NPAS2: variants seen among roughly 807,000 people sequenced by gnomAD.
NPAS2 encodes the protein neuronal PAS domain protein 2, also known as neuronal PAS domain-containing protein 2.
A neutral mutation model predicts 107.5 loss-of-function variants in NPAS2; 23 were observed. The observed-to-expected ratio is 0.21, with a 90% CI of 0.15 to 0.30. The LOEUF is 0.30. Ranked by LOEUF, NPAS2 falls within the 10% of genes least tolerant of loss-of-function variation. The pLI is 1.00. For missense variants in NPAS2, 756 were observed against 1,043.3 expected, an observed-to-expected ratio of 0.72 and a Z score of 3.79; for synonymous variants, 403 against 417.5, an observed-to-expected ratio of 0.97 and a Z score of 0.42.
chr2:100,952,907 GGC>G (rs1675323507), intron 7 of NPAS2, among the ~76,000 whole-genome samples: 1 of 149,404 alleles, frequency 6.7e-6, no homozygotes, highest in Non-Finnish European at 1.5e-5. Context: ...CACTGAATGT[GGC>G]AAATTTAAAA....
In NPAS2 at chr2:100,935,201, G is replaced by A. The variant is rs75445983; in HGVS notation, c.273+2200G>A. 421 of 526,018 alleles carry A rather than the reference G, an allele frequency of 8.0e-4. 1 individual carries two copies. The highest frequency in any genetic ancestry group is 5.0e-3 in the African/African-American group (242 of 48,372). The allele number at this position is 526,018 out of a possible 1,614,324, so 32.6% of individuals were successfully genotyped here. A position where few individuals can be genotyped will look rare whatever the true frequency, so the allele number is the denominator to read the frequency against. The stretch of plus-strand genomic sequence containing the variant: ...AGTTGCACTCAAAAGGAGCCAAAGT[G>A]CCTGTGGCCTGCGGAATAGGGAGCT... On this transcript the variant is annotated intron_variant, in intron 4 of 20. Transcript: ENST00000335681.
intron 1 of NPAS2, chr2:100,823,626 G>A (rs1381122988): frequency 6.6e-6 from 1 of 152,222 alleles, no homozygotes; most frequent in African/African-American, 2.4e-5. Context: ...ACGCTGGCAA[G>A]GTTTTGGGAT....
intron 2 of NPAS2, among the ~76,000 whole-genome samples, chr2:100,914,924 A>T (rs1296717474): frequency 6.6e-6 from 1 of 151,972 alleles, no homozygotes; most frequent in Admixed American, 6.6e-5. Flanking sequence ...CGAGTTCACC[A>T]TTTTTTCCCC....
chr2:100,978,536 A>G (rs991523547), intron 15 of NPAS2, among the ~76,000 whole-genome samples: 2 of 152,188 alleles, frequency 1.3e-5, no homozygotes, highest in African/African-American at 2.4e-5. Context: ...AAAAGAAAGA[A>G]AGAAAGAAAG....
At chr2:100,932,871 G>T in intron 3 of NPAS2, 39 bp from the exon 4 acceptor site, 1 of 1,356,616 alleles carries the variant, frequency 7.4e-7, no homozygotes, top group Non-Finnish European at 1.1e-6. Context: ...ATTTCTAGGT[G>T]CCATTGAATA....
At chr2:100,858,657 C>T (rs1214516780) in intron 1 of NPAS2, among the ~76,000 whole-genome samples, 1 of 152,110 alleles carries the variant, frequency 6.6e-6, no homozygotes. Context: ...AGAAATACAT[C>T]ATTAACGTCA....
chr2:100,842,421 C>T (rs1300366101), intron 1 of NPAS2, among the ~76,000 whole-genome samples: 2 of 152,024 alleles, frequency 1.3e-5, no homozygotes, highest in Non-Finnish European at 1.5e-5. Flanking sequence ...CTAGTCTGCG[C>T]CCACATAGAA....
intron 4 of NPAS2, chr2:100,934,756 T>C (rs1420880954): frequency 4.1e-6 from 4 of 979,928 alleles, no homozygotes; most frequent in Non-Finnish European, 4.8e-6. Context: ...CCAGCTGTGG[T>C]TGGGGGAGAT....
At chr2:100,845,038 T>C (rs57855093) in intron 1 of NPAS2, among the ~76,000 whole-genome samples, 1,920 of 151,964 alleles carry the variant, frequency 0.013, 35 homozygotes, top group African/African-American at 0.044. Flanking sequence ...AGCCTCACAG[T>C]GGAAAGAAGG....
Position 100,988,247 on chromosome 2 carries a change from C to T in NPAS2, c.1798C>T (p.Leu600Phe), listed in dbSNP as rs757547524. ...SSAQVTSQHL[L>F]RESSVISTQG... Reference sequence around the variant, plus strand: ...TGCCCAGGTCACAAGCCAGCACCTGCTCAGAGAATCAAGTGTGATATCAAC... The same window carrying T: ...TGCCCAGGTCACAAGCCAGCACCTGTTCAGAGAATCAAGTGTGATATCAAC... Residue 600 changes from leucine (L) to phenylalanine (F), a missense_variant, in exon 17 of 21, where the codon CTC becomes TTC. Leu to Phe is a conservative substitution (Grantham distance 22). Around this residue, in one of 4 missense-constraint regions of NPAS2, gnomAD observed 496 missense variants for 594.4 expected, o/e 0.83. Coordinates refer to ENST00000335681, the MANE Select transcript of NPAS2 (RefSeq NM_002518.4). 13 of 1,613,860 alleles carry T rather than the reference C, an allele frequency of 8.1e-6. No individual in the cohort carries two copies. The highest frequency in any genetic ancestry group is 1.1e-5 in the Non-Finnish European group (13 of 1,180,038).
At chr2:100,834,063 C>G (rs372288579) in intron 1 of NPAS2, among the ~76,000 whole-genome samples, 3 of 152,118 alleles carry the variant, frequency 2.0e-5, no homozygotes, top group East Asian at 3.9e-4. Flanking sequence ...GCTCAGAAAG[C>G]AAAGAGGCCT....
chr2:100,902,071 A>T (rs891330554), intron 1 of NPAS2, among the ~76,000 whole-genome samples: 15 of 150,726 alleles, frequency 1.0e-4, no homozygotes, highest in East Asian at 1.9e-4. Flanking sequence ...TGATCAAAAT[A>T]AAAAAAAAAG....
At chr2:100,824,369 A>G (rs775342689) in intron 1 of NPAS2, among the ~76,000 whole-genome samples, 4 of 152,188 alleles carry the variant, frequency 2.6e-5, no homozygotes, top group Non-Finnish European at 4.4e-5. Flanking sequence ...CCTTCCTAGG[A>G]TATTTTCATC....
chr2:100,951,878 G>A (rs1050786831), intron 7 of NPAS2, among the ~76,000 whole-genome samples: 6 of 151,584 alleles, frequency 4.0e-5, no homozygotes, highest in South Asian at 2.1e-4. Context: ...GGCCAGGCGC[G>A]GTGGCTCACA....
At chr2:100,822,060 G>A (rs183864695) in intron 1 of NPAS2, among the ~76,000 whole-genome samples, 2 of 152,308 alleles carry the variant, frequency 1.3e-5, no homozygotes, top group African/African-American at 4.8e-5. Flanking sequence ...GCTTTTAGCC[G>A]TTTTCTTCTT....
Position 100,925,201 on chromosome 2 carries a change from A to G in NPAS2, c.88A>G (p.Lys30Glu). ...TCGGGACCAGTTCAATGTTCTCATCAAAGAGCTCAGTTCCATGCTCCCTGG... is the reference window on the plus strand; with the variant it reads ...TCGGGACCAGTTCAATGTTCTCATCGAAGAGCTCAGTTCCATGCTCCCTGG... The part of the protein sequence containing the change: ...KRRDQFNVLI[K>E]ELSSMLPGNT... Residue 30 changes from lysine (K) to glutamate (E), a missense_variant, in exon 3 of 21, where the codon AAA becomes GAA. This residue lies in a region of NPAS2 where 146 missense variants were observed against 249.6 expected (regional missense o/e 0.58). Coordinates refer to ENST00000335681, the MANE Select transcript of NPAS2 (RefSeq NM_002518.4). 6.2e-7 allele frequency: 1 copy of G among 1,614,178 alleles called. No homozygotes were observed. The highest frequency in any genetic ancestry group is 8.5e-7 in the Non-Finnish European group (1 of 1,180,018).
rs751745801 is a variant in NPAS2, at chr2:100,964,309, C to T, written c.717+133C>T. 6 of 732,542 alleles carry T rather than the reference C, an allele frequency of 8.2e-6. No homozygotes were observed. In the Middle Eastern group the frequency reaches 7.3e-4, roughly 89 times the overall value. The allele number at this position is 732,542 out of a possible 1,614,324, so 45.4% of individuals were successfully genotyped here. A position where few individuals can be genotyped will look rare whatever the true frequency, so the allele number is the denominator to read the frequency against. On this transcript the variant is annotated intron_variant, in intron 8 of 20. Transcript: ENST00000335681. The stretch of plus-strand genomic sequence containing the variant: ...TCACTGGCTTTGAAAATCGAAGTGT[C>T]TGGCTTCTGTGCCTGCACACACGCC...
chr2:100,834,712 G>A (rs569815674), intron 1 of NPAS2, among the ~76,000 whole-genome samples: 1 of 150,954 alleles, frequency 6.6e-6, no homozygotes, highest in South Asian at 2.1e-4. Context: ...TTTTTTTTGA[G>A]ATGGAGTCTC....
At chr2:100,842,101 A>G (rs1292262053) in intron 1 of NPAS2, among the ~76,000 whole-genome samples, 1 of 151,954 alleles carries the variant, frequency 6.6e-6, no homozygotes, top group Non-Finnish European at 1.5e-5. Flanking sequence ...ACACACACAC[A>G]CACACACACT....
Sources: allele counts gnomAD v4.1 joint callset (sites outside exome capture counted in the v4.1 genomes callset), GRCh38; gene constraint gnomAD v4.1.1; regional missense constraint gnomAD v4.1.1; transcripts MANE v1.5; gene names NCBI Gene and HGNC (gene_info 2026-07-23, HGNC 2026-07-21).